The following RBM4 variants were observed in gnomAD, a reference collection of about 807,000 sequenced individuals.
The protein encoded by RBM4 is RNA-binding protein 4.
A neutral mutation model predicts 29.5 loss-of-function variants in RBM4; 7 were observed. That is an observed-to-expected ratio of 0.24 (90% CI 0.14 to 0.45). RBM4 has a LOEUF of 0.45. Ranked by LOEUF, RBM4 falls within the 20% of genes least tolerant of loss-of-function variation. The pLI is 1.00. For missense variants in RBM4, 387 were observed against 502.3 expected, an observed-to-expected ratio of 0.77 and a Z score of 2.19; for synonymous variants, 220 against 205.4, an observed-to-expected ratio of 1.07 and a Z score of -0.61.
chr11:66,651,056 T>A (rs1329183240), downstream of RBM4, among the ~76,000 whole-genome samples: 1 of 152,036 alleles, frequency 6.6e-6, no homozygotes, highest in African/African-American at 2.4e-5. Context: ...TGGGGTTGTT[T>A]TGGGTGAATG....
At position 66,665,867 on chromosome 11, in the gene RBM4, CCTGT is replaced by C; in HGVS notation, c.425_428del (p.Pro142ArgfsTer21). 6.5e-7 allele frequency: 1 copy of C among 1,532,916 alleles called. No individual in the cohort carries two copies. Among genetic ancestry groups the C allele is most frequent in the Non-Finnish European group, 8.7e-7 (1 of 1,145,946 alleles). 95.0% of individuals were successfully genotyped at this position (1,532,916 alleles called of 1,614,324 possible). ...TATCCATCTTTTAGGCAAGATAACC[CCTGT>C]GACAGAAGGCTACTGTTGCTGTAAC... On this transcript the variant is annotated frameshift_variant, in exon 3 of 3. Coordinates refer to the RBM4 transcript ENST00000396053. LOFTEE classifies it low-confidence loss of function (END_TRUNC).
chr11:66,666,205 C>G (rs954973002), exon 3 of RBM4: 32 of 858,016 alleles, frequency 3.7e-5, no homozygotes, highest in Non-Finnish European at 4.3e-5. Flanking sequence ...CTAGAATTCT[C>G]TAATCCTTCT....
At chr11:66,645,550 A>ATT (rs1938654279) in intron 3 of RBM4, among the ~76,000 whole-genome samples, 1 of 152,144 alleles carries the variant, frequency 6.6e-6, no homozygotes, top group East Asian at 1.9e-4. Flanking sequence ...CAGGTCTTAA[A>ATT]ACTTGTGCAG....
chr11:66,651,715 C>T (rs754630767), intron 2 of RBM4, among the ~76,000 whole-genome samples: 18 of 152,278 alleles, frequency 1.2e-4, no homozygotes, highest in Middle Eastern at 6.8e-3. Context: ...ATGGCTTATA[C>T]ACAACAGAAT....
chr11:66,642,106 C>T (rs1037170001), intron 2 of RBM4, among the ~76,000 whole-genome samples: 1 of 152,330 alleles, frequency 6.6e-6, no homozygotes, highest in African/African-American at 2.4e-5. Flanking sequence ...CTTTTAATAA[C>T]CTGCAACCTA....
chr11:66,653,362 ATTTT>A (rs71045956), intron 2 of RBM4, among the ~76,000 whole-genome samples: 1 of 135,892 alleles, frequency 7.4e-6, no homozygotes, highest in Admixed American at 7.6e-5. Flanking sequence ...CTACTTAATG[ATTTT>A]TTTTTTTTTT....
At chr11:66,660,149 T>A (rs919132894) in intron 2 of RBM4, among the ~76,000 whole-genome samples, 321 of 149,702 alleles carry the variant, frequency 2.1e-3, no homozygotes, top group Non-Finnish European at 3.8e-3. Context: ...TTTTTTTTTT[T>A]AAATCTGAAG....
chr11:66,663,704 G>A (rs1354738398), intron 2 of RBM4, among the ~76,000 whole-genome samples: 2 of 146,824 alleles, frequency 1.4e-5, no homozygotes, highest in Admixed American at 6.9e-5. Flanking sequence ...GTGTGTATAT[G>A]TGTGTGTGTG....
chr11:66,665,936 T>G (rs1349547310), exon 3 of RBM4: 3 of 1,535,144 alleles, frequency 2.0e-6, no homozygotes, highest in Non-Finnish European at 2.6e-6. Context: ...CAATTTAATT[T>G]TGGAGTCCAG....
rs528202591 is a variant in RBM4 at position 66,645,754 on chromosome 11, A to T, written c.*9-273A>T. Reference sequence around the variant, plus strand: ...TCTGAGGAATGCTAATGTTAACATCATCAAGAGCAAGGAATGTCTCTTTGC... The same window carrying T: ...TCTGAGGAATGCTAATGTTAACATCTTCAAGAGCAAGGAATGTCTCTTTGC... On this transcript the variant is annotated intron_variant, in intron 3 of 3. Transcript: ENST00000310092. Among the ~76,000 whole-genome samples the T allele has an allele frequency of 3.9e-5, 6 of 152,282 alleles. No individual in the cohort carries two copies. The East Asian group carries it at 9.6e-4, about 24-fold the overall frequency.
At position 66,646,195 on chromosome 11, in the gene RBM4, TC is replaced by T; in HGVS notation, c.*179del. 6.8e-7 allele frequency: 1 copy of T among 1,474,980 alleles called. No individual in the cohort carries two copies. Among genetic ancestry groups the T allele is most frequent in the East Asian group, 2.5e-5 (1 of 40,094 alleles). The allele number at this position is 1,474,980 out of a possible 1,614,324, so 91.4% of individuals were successfully genotyped here. A position where few individuals can be genotyped will look rare whatever the true frequency, so the allele number is the denominator to read the frequency against. On this transcript the variant is annotated 3_prime_UTR_variant, in exon 4 of 4. Transcript: ENST00000310092. ...GACCTTCTCTTCCTTTCCTTTCCTTTCCTCTCCTGCCCATTTTCCTGTTCTT... is the reference window on the plus strand; with the variant it reads ...GACCTTCTCTTCCTTTCCTTTCCTTTCTCTCCTGCCCATTTTCCTGTTCTT...
intron 2 of RBM4, among the ~76,000 whole-genome samples, chr11:66,654,410 G>A (rs1443980246): frequency 6.6e-6 from 1 of 151,934 alleles, no homozygotes; most frequent in African/African-American, 2.4e-5. Context: ...ACAGGAGAAT[G>A]GCGTGAACCC....
At position 66,643,856 on chromosome 11, in the gene RBM4, T is replaced by A; in HGVS notation, c.819T>A (p.Asp273Glu). 1 of 1,613,860 alleles carries A rather than the reference T, an allele frequency of 6.2e-7. No homozygotes were observed. Among genetic ancestry groups the A allele is most frequent in the Non-Finnish European group, 8.5e-7 (1 of 1,179,958 alleles). ...HLTSTSLDPY[D>E]RHLLPTSGAA... is the part of the protein sequence containing the mutation. The stretch of plus-strand genomic sequence containing the variant: ...CCTCCACCTCTCTCGATCCCTACGA[T>A]AGACACCTGTTGCCGACCTCAGGAG... Residue 273 changes from aspartate to glutamate, a missense_variant, in exon 3 of 4, where the codon GAT (aspartate) becomes GAA (glutamate). This residue lies in a region of RBM4 where 281 missense variants were observed against 288.7 expected (regional missense o/e 0.97). Coordinates refer to ENST00000310092, the MANE Select transcript of RBM4 (RefSeq NM_002896.4). The surrounding 1 kb of genome is among the most constrained non-coding windows in gnomAD (Gnocchi z 6.1).
chr11:66,660,845 C>T (rs1939068248), intron 2 of RBM4, among the ~76,000 whole-genome samples: 1 of 151,736 alleles, frequency 6.6e-6, no homozygotes, highest in Admixed American at 6.6e-5. Flanking sequence ...TTAGTAGAGG[C>T]AGGGTTTCAC....
exon 3 of RBM4, chr11:66,666,557 C>T: frequency 7.1e-6 from 3 of 425,106 alleles, no homozygotes; most frequent in South Asian, 1.0e-4. Context: ...CCACTGCTTG[C>T]AGTCAAAATT....
chr11:66,643,376 G>T lies in RBM4; in HGVS notation c.413-74G>T. On this transcript the variant is annotated intron_variant, in intron 2 of 3. Transcript: ENST00000310092. This position sits in a 1 kb window ranked among gnomAD's most constrained non-coding sequence, Gnocchi z 6.1. The stretch of plus-strand genomic sequence containing the variant: ...ATTGTCTAGATAAAGCCATTGCTAT[G>T]ACCAGTGTCTGGGGTAGGGGCTGGG... 1.3e-6 allele frequency: 2 copies of T among 1,515,982 alleles called. No individual in the cohort carries two copies. The highest frequency in any genetic ancestry group is 2.6e-5 in the South Asian group (2 of 77,714). 93.9% of individuals were successfully genotyped at this position (1,515,982 alleles called of 1,614,324 possible).
intron 2 of RBM4, among the ~76,000 whole-genome samples, chr11:66,658,472 C>G (rs1315095776): frequency 6.6e-6 from 1 of 150,692 alleles, no homozygotes; most frequent in Non-Finnish European, 1.5e-5. Flanking sequence ...TAAACATCCT[C>G]CAATGCACAG....
chr11:66,652,867 C>T (rs1590870498), intron 2 of RBM4, among the ~76,000 whole-genome samples: 1 of 152,186 alleles, frequency 6.6e-6, no homozygotes, highest in Non-Finnish European at 1.5e-5. Context: ...CGCACCCCCA[C>T]CAAAACAGGG....
chr11:66,648,572 T>C (rs566814666), downstream of RBM4, among the ~76,000 whole-genome samples: 1 of 152,026 alleles, frequency 6.6e-6, no homozygotes, highest in East Asian at 1.9e-4. Flanking sequence ...CCCAGCACTT[T>C]GGGAGGCTGA....
Sources: gnomAD v4.1 joint callset for allele counts (sites outside exome capture counted in the v4.1 genomes callset) on GRCh38, gnomAD v4.1.1 for gene constraint, gnomAD v4.1.1 regional missense constraint, Gnocchi (gnomAD v3.1) non-coding constraint, MANE v1.5 for transcripts, NCBI Gene and HGNC (gene_info 2026-07-23, HGNC 2026-07-21) for gene names.